KRT24: variants seen among roughly 807,000 people sequenced by gnomAD.
KRT24 encodes the protein keratin, type I cytoskeletal 24.
Under a neutral mutation model 51.7 loss-of-function variants are expected in KRT24, and 44 were observed. The ratio of observed to expected loss-of-function variants is 0.85; its 90% CI spans 0.67 to 1.09. KRT24 has a LOEUF of 1.09. Ranked by LOEUF, KRT24 falls within the 50% of genes least tolerant of loss-of-function variation. KRT24 has a pLI of 0.00. For synonymous variants in KRT24, 241 were observed against 249.5 expected (o/e 0.97, Z 0.32); for missense variants, 633 against 647.0 (o/e 0.98, Z 0.24).
chr17:40,700,033 C>T lies in KRT24; in HGVS notation c.1108G>A (p.Ala370Thr), dbSNP rs1287811866. The change falls in exon 5 of 8, where the codon GCC becomes ACC. Residue 370 changes from alanine (A) to threonine (T), a missense_variant. Coordinates refer to ENST00000264651, the MANE Select transcript of KRT24 (RefSeq NM_019016.3). ...TGGGACTGAAGCTCAATTTCCAGGG[C>T]TTGCAGGGTACGTTTTAGTTCTGTT... is the stretch of plus-strand genomic sequence containing the variant. ...EITELKRTLQALEIELQSQLA... is the reference protein window; with the variant it reads ...EITELKRTLQTLEIELQSQLA... 9.3e-6 allele frequency: 15 copies of T among 1,614,072 alleles called. No individual in the cohort carries two copies. Among genetic ancestry groups the T allele is most frequent in the Non-Finnish European group, 1.2e-5 (14 of 1,180,034 alleles).
At position 40,701,774 on chromosome 17, in the gene KRT24, TA is replaced by T. The variant is rs1567863143; in HGVS notation, c.698+76del. 9.0e-3 allele frequency: 420 copies of T among 46,890 alleles called. 36 individuals are homozygous for T. The highest frequency in any genetic ancestry group is 0.016 in the Middle Eastern group (2 of 122). 2.9% of individuals were successfully genotyped at this position (46,890 alleles called of 1,614,324 possible). A position where few individuals can be genotyped will look rare whatever the true frequency, so the allele number is the denominator to read the frequency against. ...ATATATATATATATATATATATATA[TA>T]TATATTTATTTATAAAATGGAATAA... On this transcript the variant is annotated intron_variant, in intron 2 of 7. Coordinates refer to ENST00000264651, the MANE Select transcript of KRT24 (RefSeq NM_019016.3).
intron 3 of KRT24, 29 bp downstream of exon 3, chr17:40,701,096 ATATGTTAGCTAGAGT>A (rs1567862580): frequency 6.3e-7 from 1 of 1,593,382 alleles, no homozygotes; most frequent in African/African-American, 1.3e-5. Flanking sequence ...ATGGGGAGAA[ATATGTTAGCTAGAGT>A]TATTCGTTTA....
intron 3 of KRT24, 112 bp downstream of exon 3, chr17:40,701,028 G>T: frequency 9.4e-7 from 1 of 1,060,376 alleles, no homozygotes; most frequent in Non-Finnish European, 1.4e-6. Context: ...CTCCAGAGTA[G>T]CTGAGACTAA....
intron 7 of KRT24, 68 bp downstream of exon 7, chr17:40,698,470 G>T (rs36105662): frequency 1.8e-6 from 2 of 1,141,738 alleles, no homozygotes; most frequent in East Asian, 2.3e-5. Context: ...GACTCTTTTA[G>T]TATGACAAGC....
At chr17:40,701,085 T>A in intron 3 of KRT24, 55 bp downstream of exon 3, 1 of 1,557,826 alleles carries the variant, frequency 6.4e-7, no homozygotes. Flanking sequence ...ATAGAATGCA[T>A]ATGGGGAGAA....
In KRT24 at chr17:40,703,256, G is replaced by T. The variant is rs538176705; in HGVS notation, c.438C>A (p.Asn146Lys). ...FSGGEKQTMQ[N>K]LNDRLANYLD... ...GGTAATTGGCCAAGCGGTCATTGAG[G>T]TTCTGCATGGTTTGCTTTTCCCCTC... is the stretch of plus-strand genomic sequence containing the variant. The change falls in exon 1 of 8, where the codon AAC becomes AAA. Residue 146 changes from asparagine (N) to lysine (K), a missense_variant. By Grantham distance (94) the Asn-to-Lys change is moderately conservative. Coordinates refer to ENST00000264651, the MANE Select transcript of KRT24 (RefSeq NM_019016.3). 2.4e-5 allele frequency: 38 copies of T among 1,614,054 alleles called. No homozygotes were observed. The highest frequency in any genetic ancestry group is 3.1e-5 in the Non-Finnish European group (37 of 1,179,990).
rs752341616 is a variant in KRT24, at chr17:40,699,661, T to G, written c.1144A>C (p.Lys382Gln). The part of the protein sequence containing the change: ...EIELQSQLAM[K>Q]SSLEGTLADT... ...GCCAGGGTTCCCTCCAGGGAGCTTT[T>G]CTAAGAGAAAAAGCAAATAAAAAAT... The change falls in exon 6 of 8, where the codon AAA becomes CAA. Residue 382 changes from lysine (K) to glutamine (Q), a missense_variant and splice_region_variant. Lys to Gln is a moderately conservative substitution (Grantham distance 53). Coordinates refer to ENST00000264651, the MANE Select transcript of KRT24 (RefSeq NM_019016.3). 1 of 1,610,316 alleles carries G rather than the reference T, an allele frequency of 6.2e-7. No homozygotes were observed. Among genetic ancestry groups the G allele is most frequent in the African/African-American group, 1.3e-5 (1 of 74,712 alleles).
Position 40,703,131 on chromosome 17 carries a change from G to C in KRT24, c.563C>G (p.Ser188Trp), listed in dbSNP as rs371262011. ...ATAGTATTTGCTATAATCTCTTCCC[G>C]ATCCACCGTCTCCAGACCCAGGCCC... ...KYGPGSGDGG[S>W]GRDYSKYYSI... is the part of the protein sequence containing the mutation. The change falls in exon 1 of 8, where the codon TCG becomes TGG. Residue 188 changes from serine to tryptophan, a missense_variant. Coordinates refer to ENST00000264651, the MANE Select transcript of KRT24 (RefSeq NM_019016.3). The C allele has an allele frequency of 3.1e-6, 5 of 1,613,660 alleles. No individual in the cohort carries two copies. The highest frequency in any genetic ancestry group is 1.7e-4 in the Middle Eastern group (1 of 6,060).
intron 1 of KRT24, 152 bp downstream of exon 1, chr17:40,702,927 C>A: frequency 1.5e-6 from 1 of 680,642 alleles, no homozygotes; most frequent in Non-Finnish European, 2.3e-6. Context: ...ACATAAGGTA[C>A]TATAATAATT....
rs1458494344 is a variant in KRT24 at position 40,699,451 on chromosome 17, C to T, written c.1354G>A (p.Glu452Lys). Residue 452 changes from glutamate (E) to lysine (K), a missense_variant, in exon 6 of 8, where the codon GAG becomes AAG. Transcript: ENST00000264651. Reference sequence around the variant, plus strand: ...TTCATGACTTTGGTTTACCCTCCCTCTCCATCGAGCAGGCGGCGGTAGGTC... The same window carrying T: ...TTCATGACTTTGGTTTACCCTCCCTTTCCATCGAGCAGGCGGCGGTAGGTC... ...IETYRRLLDG[E>K]GGGSSFAEFG... 3 of 1,613,908 alleles carry T rather than the reference C, an allele frequency of 1.9e-6. No homozygotes were observed. The highest frequency in any genetic ancestry group is 2.5e-6 in the Non-Finnish European group (3 of 1,179,872).
At chr17:40,702,042 T>C (rs2037689804) in intron 1 of KRT24, 109 bp from the exon 2 acceptor site, 1 of 443,350 alleles carries the variant, frequency 2.3e-6, no homozygotes, top group South Asian at 4.2e-5. Flanking sequence ...TTTTTTTGTG[T>C]GTGTGTAGAG....
chr17:40,703,619 G>A lies in KRT24; in HGVS notation c.75C>T (p.Ser25=). 6.2e-7 allele frequency: 1 copy of A among 1,611,650 alleles called. No individual in the cohort carries two copies. The highest frequency in any genetic ancestry group is 8.5e-7 in the Non-Finnish European group (1 of 1,179,058). Reference sequence around the variant, plus strand: ...CACATCTGCTTCCACTGCTGAAGCTGCTTCCACCAGCAGACACCCTGGCTG... The same window carrying A: ...CACATCTGCTTCCACTGCTGAAGCTACTTCCACCAGCAGACACCCTGGCTG... ...SSSARVSAGG[S]SFSSGSRCGL... Residue 25 remains serine, a synonymous_variant, in exon 1 of 8, where the codon AGC becomes AGT. Transcript: ENST00000264651.
intron 6 of KRT24, 60 bp from the exon 7 acceptor site, chr17:40,698,710 G>T: frequency 1.2e-6 from 1 of 823,568 alleles, no homozygotes; most frequent in Non-Finnish European, 2.1e-6. Context: ...GAAAGCCTCC[G>T]CCCCGGGGAT....
Position 40,703,369 on chromosome 17 carries a change from A to AACTCCCAC in KRT24, c.317_324dup (p.Ser109ValfsTer50). On this transcript the variant is annotated frameshift_variant, in exon 1 of 8. Coordinates refer to ENST00000264651, the MANE Select transcript of KRT24 (RefSeq NM_019016.3). LOFTEE classifies it high-confidence loss of function. The stretch of plus-strand genomic sequence containing the variant: ...CCAGTAGCACCACTGCTGAATCTAG[A>AACTCCCAC]ACTCCCACAGAATCCAGAACCCCTG... 6.2e-7 allele frequency: 1 copy of AACTCCCAC among 1,613,688 alleles called. No homozygotes were observed. The highest frequency in any genetic ancestry group is 1.7e-5 in the Admixed American group (1 of 59,980).
Position 40,703,278 on chromosome 17 carries a change from C to A in KRT24, c.416G>T (p.Gly139Val), listed in dbSNP as rs1352712252. ...GAGGTTCTGCATGGTTTGCTTTTCC[C>A]CTCCAGAGAAAAGCCCCCCATCGCC... ...GVGDGGLFSG[G>V]EKQTMQNLND... Residue 139 changes from glycine (G) to valine (V), a missense_variant, in exon 1 of 8, where the codon GGG (glycine) becomes GTG (valine). Transcript: ENST00000264651. The A allele has an allele frequency of 1.2e-6, 2 of 1,614,062 alleles. No homozygotes were observed. The highest frequency in any genetic ancestry group is 1.7e-6 in the Non-Finnish European group (2 of 1,180,008).
Position 40,701,137 on chromosome 17 carries a change from T to C in KRT24, c.855+3A>G, listed in dbSNP as rs1249348639. ...TATTCGTTTATGTAGAACATGTTCC[T>C]ACCTCCTCGTGGTTCTTCCTCAGGT... On this transcript the variant is annotated splice_donor_region_variant and intron_variant, in intron 3 of 7. Transcript: ENST00000264651. 3 of 1,613,554 alleles carry C rather than the reference T, an allele frequency of 1.9e-6. No individual in the cohort carries two copies. The highest frequency in any genetic ancestry group is 2.5e-6 in the Non-Finnish European group (3 of 1,179,624).
At position 40,703,606 on chromosome 17, in the gene KRT24, C is replaced by T. The variant is rs1291336150; in HGVS notation, c.88G>A (p.Gly30Arg). The T allele has an allele frequency of 1.2e-6, 2 of 1,612,932 alleles. No individual in the cohort carries two copies. The highest frequency in any genetic ancestry group is 8.5e-7 in the Non-Finnish European group (1 of 1,179,594). ...VSAGGSSFSS[G>R]SRCGLGGSSA... ...CTGCCCCCCAGACCACATCTGCTTC[C>T]ACTGCTGAAGCTGCTTCCACCAGCA... The change falls in exon 1 of 8, where the codon GGA (glycine) becomes AGA (arginine). Residue 30 changes from glycine (G) to arginine (R), a missense_variant. Coordinates refer to ENST00000264651, the MANE Select transcript of KRT24 (RefSeq NM_019016.3).
intron 7 of KRT24, 62 bp downstream of exon 7, chr17:40,698,476 C>G: frequency 8.5e-7 from 1 of 1,181,372 alleles, no homozygotes; most frequent in South Asian, 1.3e-5. Flanking sequence ...TTTAGTATGA[C>G]AAGCAAAGTA....
chr17:40,699,125 C>CCTTG (rs1383086586), intron 6 of KRT24, among the ~76,000 whole-genome samples: 1 of 152,190 alleles, frequency 6.6e-6, no homozygotes, highest in African/African-American at 2.4e-5. Flanking sequence ...GATCTGCCTG[C>CCTTG]CTTGGCCTCC....
Sources: gnomAD v4.1 joint callset for allele counts (sites outside exome capture counted in the v4.1 genomes callset) on GRCh38, gnomAD v4.1.1 for gene constraint, MANE v1.5 for transcripts, NCBI Gene and HGNC (gene_info 2026-07-23, HGNC 2026-07-21) for gene names.